The following CDH13 variants were observed in gnomAD, a reference collection of about 807,000 sequenced individuals.
CDH13 encodes the protein cadherin-13.
A neutral mutation model predicts 63.8 loss-of-function variants in CDH13; 24 were observed. The ratio of observed to expected loss-of-function variants is 0.38; its 90% CI spans 0.27 to 0.53. The LOEUF is 0.53. Ranked by LOEUF, CDH13 falls within the 20% of genes least tolerant of loss-of-function variation. The pLI is 0.85. For missense variants in CDH13, 1,049 were observed against 903.1 expected, an observed-to-expected ratio of 1.16 and a Z score of -2.07; for synonymous variants, 503 against 355.3, an observed-to-expected ratio of 1.42 and a Z score of -4.67.
intron 1 of CDH13, among the ~76,000 whole-genome samples, chr16:82,815,247 G>C (rs184167900): frequency 5.3e-5 from 8 of 152,158 alleles, no homozygotes; most frequent in African/African-American, 1.9e-4. Flanking sequence ...CAGAGACCCC[G>C]AATGAGGGCC....
chr16:82,635,838 G>A (rs1440302907), intron 1 of CDH13, among the ~76,000 whole-genome samples: 2 of 152,088 alleles, frequency 1.3e-5, no homozygotes, highest in East Asian at 1.9e-4. Flanking sequence ...TGCTTTAATC[G>A]TGATAGTGAG....
chr16:83,644,273 C>T (rs1270637710), intron 8 of CDH13, among the ~76,000 whole-genome samples: 1 of 152,184 alleles, frequency 6.6e-6, no homozygotes, highest in Non-Finnish European at 1.5e-5. Context: ...CCCTTCTGAT[C>T]CATAATGCCA....
chr16:83,445,450 C>T (rs959880668), intron 6 of CDH13, among the ~76,000 whole-genome samples: 2 of 152,088 alleles, frequency 1.3e-5, no homozygotes, highest in Non-Finnish European at 2.9e-5. Flanking sequence ...CCTCAATTTC[C>T]TCAGGCTTCT....
chr16:82,740,024 G>C (rs1429264552), intron 1 of CDH13, among the ~76,000 whole-genome samples: 4 of 151,992 alleles, frequency 2.6e-5, no homozygotes, highest in Admixed American at 6.6e-5. Context: ...CATTTCTCTG[G>C]TAAACCTTTC....
intron 5 of CDH13, among the ~76,000 whole-genome samples, chr16:83,251,173 T>C (rs1314415292): frequency 6.6e-6 from 1 of 152,134 alleles, no homozygotes; most frequent in East Asian, 1.9e-4. Context: ...TGTAAGATAT[T>C]GCCATTGGGG....
chr16:82,896,605 G>T lies in CDH13; in HGVS notation c.157+38132G>T, dbSNP rs529156020. Among the ~76,000 whole-genome samples the T allele has an allele frequency of 7.9e-5, 12 of 151,744 alleles. No homozygotes were observed. The East Asian group carries it at 2.2e-3, about 27-fold the overall frequency. On this transcript the variant is annotated intron_variant, in intron 2 of 13. Coordinates refer to ENST00000567109, the MANE Select transcript of CDH13 (RefSeq NM_001257.5). ...GCCAAGGTGCCCAGCTCCAGGACAG[G>T]ATTAAAGTGTGAAAAAATTATTAGG...
At chr16:82,942,552 G>A (rs567376139) in intron 2 of CDH13, among the ~76,000 whole-genome samples, 6 of 152,272 alleles carry the variant, frequency 3.9e-5, no homozygotes, top group African/African-American at 1.4e-4. Context: ...AGGTGGAGAA[G>A]TACTTTGTGC....
intron 10 of CDH13, among the ~76,000 whole-genome samples, chr16:83,678,953 C>A (rs184795417): frequency 1.3e-5 from 2 of 152,300 alleles, no homozygotes; most frequent in East Asian, 3.9e-4. Context: ...GGAAACAGGA[C>A]ACTCTGCAAA....
intron 6 of CDH13, among the ~76,000 whole-genome samples, chr16:83,448,624 A>T (rs973165132): frequency 6.6e-6 from 1 of 152,202 alleles, no homozygotes; most frequent in Non-Finnish European, 1.5e-5. Flanking sequence ...TAGTATCATT[A>T]TAGCTCCTCC....
At chr16:83,793,474 A>C (rs905715477) in intron 13 of CDH13, among the ~76,000 whole-genome samples, 1 of 152,142 alleles carries the variant, frequency 6.6e-6, no homozygotes, top group East Asian at 1.9e-4. Context: ...AACGCACACT[A>C]TGCTGATGTC....
At chr16:83,754,922 C>G (rs186042263) in intron 11 of CDH13, among the ~76,000 whole-genome samples, 1 of 152,200 alleles carries the variant, frequency 6.6e-6, no homozygotes, top group African/African-American at 2.4e-5. Context: ...TGGAGCCTCT[C>G]CAATCTTTTT....
chr16:82,961,373 G>A (rs764737427), intron 2 of CDH13, among the ~76,000 whole-genome samples: 2 of 152,142 alleles, frequency 1.3e-5, no homozygotes, highest in African/African-American at 4.8e-5. Context: ...AGACGAGAGA[G>A]GAAGTAATAT....
At chr16:83,112,619 A>G (rs925098642) in intron 3 of CDH13, among the ~76,000 whole-genome samples, 1 of 152,128 alleles carries the variant, frequency 6.6e-6, no homozygotes, top group African/African-American at 2.4e-5. Context: ...CCATAATATT[A>G]TAGTAAATAC....
chr16:83,540,355 G>A (rs566283801), intron 7 of CDH13, among the ~76,000 whole-genome samples: 2 of 152,222 alleles, frequency 1.3e-5, no homozygotes, highest in Admixed American at 6.5e-5. Context: ...AGTCACCCCC[G>A]ATGCGCAGTG....
intron 3 of CDH13, among the ~76,000 whole-genome samples, chr16:83,119,730 G>A (rs1379841315): frequency 4.6e-5 from 7 of 152,106 alleles, no homozygotes; most frequent in East Asian, 1.9e-4. Context: ...GAGTTGTCCC[G>A]AAGCAGGGTA....
intron 1 of CDH13, among the ~76,000 whole-genome samples, chr16:82,765,054 G>A (rs1402232815): frequency 6.6e-6 from 1 of 152,106 alleles, no homozygotes; most frequent in Non-Finnish European, 1.5e-5. Flanking sequence ...GACCTCAGAT[G>A]ATCTGCCTAC....
At chr16:83,025,959 G>A (rs1915764163) in intron 2 of CDH13, among the ~76,000 whole-genome samples, 4 of 152,272 alleles carry the variant, frequency 2.6e-5, no homozygotes, top group South Asian at 4.1e-4. Flanking sequence ...AGTGGGGGCA[G>A]GTATTGCTAT....
At chr16:82,849,166 A>T (rs1324794723) in intron 1 of CDH13, among the ~76,000 whole-genome samples, 1 of 152,200 alleles carries the variant, frequency 6.6e-6, no homozygotes, top group Non-Finnish European at 1.5e-5. Flanking sequence ...AGCAGAGGTT[A>T]GTGTGTGACA....
chr16:82,780,452 T>G (rs78086113), intron 1 of CDH13, among the ~76,000 whole-genome samples: 1 of 152,224 alleles, frequency 6.6e-6, no homozygotes, highest in Non-Finnish European at 1.5e-5. Flanking sequence ...GCCCATGCAA[T>G]GTGCCTTCTG....
Sources: allele counts gnomAD v4.1 joint callset (sites outside exome capture counted in the v4.1 genomes callset), GRCh38; gene constraint gnomAD v4.1.1; transcripts MANE v1.5; gene names NCBI Gene and HGNC (gene_info 2026-07-23, HGNC 2026-07-21).